Variants in CCN5 observed in about 807,000 individuals in gnomAD.
CCN5 encodes CCN family member 5.
Under a neutral mutation model 18.7 loss-of-function variants are expected in CCN5, and 17 were observed. That is an observed-to-expected ratio of 0.91 (90% CI 0.62 to 1.36). CCN5 has a LOEUF of 1.36. Ranked by LOEUF, CCN5 falls within the 40% of genes most tolerant of loss-of-function variation. The pLI, the probability that CCN5 is intolerant of heterozygous loss-of-function variation, is 0.00. For missense variants in CCN5, 367 were observed against 342.9 expected, an observed-to-expected ratio of 1.07 and a Z score of -0.56; for synonymous variants, 135 against 145.2, an observed-to-expected ratio of 0.93 and a Z score of 0.50.
At chr20:44,717,421 G>C (rs962246977) in intron 1 of CCN5, among the ~76,000 whole-genome samples, 2 of 152,150 alleles carry the variant, frequency 1.3e-5, no homozygotes, top group Non-Finnish European at 2.9e-5. Flanking sequence ...ACAGCTGCTG[G>C]TCTATTTCCT....
intron 3 of CCN5, among the ~76,000 whole-genome samples, chr20:44,726,771 C>T (rs1225536250): frequency 6.6e-6 from 1 of 152,116 alleles, no homozygotes; most frequent in Non-Finnish European, 1.5e-5. Context: ...GCTGGGCACC[C>T]CCTGCCTGTA....
chr20:44,715,571 A>G (rs2065854396), intron 1 of CCN5, 121 bp downstream of exon 1: 1 of 1,099,734 alleles, frequency 9.1e-7, no homozygotes, highest in Admixed American at 2.1e-5. Context: ...CATTGGGCAC[A>G]GTCTGGCCCC....
At chr20:44,716,601 A>G (rs888993180) in intron 1 of CCN5, 4 of 152,268 alleles carry the variant, frequency 2.6e-5, no homozygotes, top group African/African-American at 9.6e-5. Flanking sequence ...GCTGTCCTAG[A>G]CTTGCCATTA....
At chr20:44,715,238 T>G, upstream of CCN5, 1 of 524,008 alleles carries the variant, frequency 1.9e-6, no homozygotes, top group Non-Finnish European at 3.4e-6. Flanking sequence ...TTTGTGTGTG[T>G]GTGTGTGTGT....
intron 2 of CCN5, 31 bp downstream of exon 2, chr20:44,720,144 G>T: frequency 6.5e-7 from 1 of 1,533,778 alleles, no homozygotes; most frequent in South Asian, 1.2e-5. Context: ...GAGTGGGGGC[G>T]GGTGTGAGCG....
chr20:44,724,587 C>A, intron 2 of CCN5, 151 bp from the exon 3 acceptor site: 3 of 1,238,846 alleles, frequency 2.4e-6, no homozygotes, highest in Non-Finnish European at 1.1e-6. Flanking sequence ...TGGTGGAGGG[C>A]TGGGGAGAGG....
chr20:44,721,610 G>A (rs1162899670), intron 2 of CCN5: 1 of 151,892 alleles, frequency 6.6e-6, no homozygotes, highest in South Asian at 2.1e-4. Flanking sequence ...TACACTGACT[G>A]AGGGATGATT....
upstream of CCN5, chr20:44,715,251 G>GTA: frequency 3.7e-6 from 2 of 546,200 alleles, no homozygotes; most frequent in Non-Finnish European, 6.5e-6. Flanking sequence ...GTGTGTGTGT[G>GTA]TGTGTGTGTG....
At chr20:44,722,714 T>C (rs2065908591) in intron 2 of CCN5, among the ~76,000 whole-genome samples, 1 of 152,020 alleles carries the variant, frequency 6.6e-6, no homozygotes, top group African/African-American at 2.4e-5. Flanking sequence ...CCTCAAGTGA[T>C]CCACCCGCCT....
At chr20:44,717,295 T>C (rs572074970) in intron 1 of CCN5, among the ~76,000 whole-genome samples, 4 of 152,242 alleles carry the variant, frequency 2.6e-5, no homozygotes, top group South Asian at 2.1e-4. Flanking sequence ...CATGAGATAA[T>C]TGTACACTAG....
chr20:44,714,946 G>A (rs577897617), upstream of CCN5: 4 of 166,434 alleles, frequency 2.4e-5, no homozygotes, highest in South Asian at 3.1e-4. Flanking sequence ...CTGCAGCCCC[G>A]CTGGGGTTCG....
intron 1 of CCN5, among the ~76,000 whole-genome samples, chr20:44,716,231 G>A (rs985029768): frequency 1.3e-5 from 2 of 152,174 alleles, no homozygotes; most frequent in African/African-American, 4.8e-5. Flanking sequence ...AGGGGGAGAA[G>A]CACTCCAGTC....
chr20:44,720,848 G>A (rs955954194), intron 2 of CCN5: 2 of 152,206 alleles, frequency 1.3e-5, no homozygotes, highest in Admixed American at 6.6e-5. Context: ...CAGTGACTGG[G>A]TGCCAGAGAA....
At chr20:44,717,753 G>A (rs567324681) in intron 1 of CCN5, among the ~76,000 whole-genome samples, 14 of 152,086 alleles carry the variant, frequency 9.2e-5, no homozygotes, top group African/African-American at 3.4e-4. Context: ...GCATGCACCT[G>A]TAATCCTAGC....
Position 44,727,239 on chromosome 20 carries a change from C to A in CCN5, c.685C>A (p.Arg229Ser), listed in dbSNP as rs1408308227. Residue 229 changes from arginine (R) to serine (S), a missense_variant, in exon 4 of 4, where the codon CGC becomes AGC. Coordinates refer to ENST00000190983, the MANE Select transcript of CCN5 (RefSeq NM_003881.4). ...CCGCTTCTGCCGACTGGAGACCCAGCGCCGCCTGTGCCTGTCCAGGCCCTG... is the reference window on the plus strand; with the variant it reads ...CCGCTTCTGCCGACTGGAGACCCAGAGCCGCCTGTGCCTGTCCAGGCCCTG... ...QNRFCRLETQ[R>S]RLCLSRPCPP... The A allele has an allele frequency of 1.9e-6, 3 of 1,613,630 alleles. No individual in the cohort carries two copies. The highest frequency in any genetic ancestry group is 2.5e-6 in the Non-Finnish European group (3 of 1,180,006).
At chr20:44,716,909 C>A (rs1437786788) in intron 1 of CCN5, 2 of 152,248 alleles carry the variant, frequency 1.3e-5, no homozygotes, top group Non-Finnish European at 2.9e-5. Flanking sequence ...AACTGAGCTT[C>A]ACCTCCACCT....
chr20:44,725,650 G>A (rs568024139), intron 3 of CCN5, among the ~76,000 whole-genome samples: 2 of 151,726 alleles, frequency 1.3e-5, no homozygotes, highest in Middle Eastern at 3.5e-3. Flanking sequence ...TAAGCTCTTA[G>A]AATATATAAT....
At chr20:44,719,661 TAAAAATA>T (rs894359220) in intron 1 of CCN5, among the ~76,000 whole-genome samples, 5 of 151,948 alleles carry the variant, frequency 3.3e-5, no homozygotes, top group African/African-American at 1.2e-4. Flanking sequence ...ACTCCAAAAA[TAAAAATA>T]AAAAATAAAG....
intron 1 of CCN5, among the ~76,000 whole-genome samples, chr20:44,718,721 C>A (rs2065877341): frequency 6.6e-6 from 1 of 152,152 alleles, no homozygotes; most frequent in African/African-American, 2.4e-5. Flanking sequence ...CGCTCCCAGC[C>A]CTGAATCGAA....
Sources: allele counts gnomAD v4.1 joint callset (sites outside exome capture counted in the v4.1 genomes callset), GRCh38; gene constraint gnomAD v4.1.1; transcripts MANE v1.5; gene names NCBI Gene and HGNC (gene_info 2026-07-23, HGNC 2026-07-21).